CALHM4: variants seen among roughly 807,000 people sequenced by gnomAD.
CALHM4 encodes the protein calcium homeostasis modulator family member 4.
Under a neutral mutation model 13.3 loss-of-function variants are expected in CALHM4, and 16 were observed. The ratio of observed to expected loss-of-function variants is 1.20; its 90% CI spans 0.81 to 1.82. CALHM4 has a LOEUF of 1.82. Ranked by LOEUF, CALHM4 falls within the 40% of genes most tolerant of loss-of-function variation. The pLI, the probability that CALHM4 is intolerant of heterozygous loss-of-function variation, is 0.00. For synonymous variants in CALHM4, 127 were observed against 137.1 expected (o/e 0.93, Z 0.52); for missense variants, 344 against 374.9 (o/e 0.92, Z 0.68).
rs970042582 is a variant in CALHM4, at chr6:116,558,737, C to T, written c.*526C>T. 2.0e-5 allele frequency: 3 copies of T among 152,398 alleles called. No homozygotes were observed. The highest frequency in any genetic ancestry group is 4.8e-5 in the African/African-American group (2 of 41,444). The allele number at this position is 152,398 out of a possible 1,614,324, so 9.4% of individuals were successfully genotyped here. A position where few individuals can be genotyped will look rare whatever the true frequency, so the allele number is the denominator to read the frequency against. On this transcript the variant is annotated 3_prime_UTR_variant, in exon 2 of 2. Coordinates refer to ENST00000368596, the MANE Select transcript of CALHM4 (RefSeq NM_001366078.2). ...TAATGTCCAGAACTTTTCACAGCCT[C>T]CCCCTCTTTCTTCAGACCTAAATAT...
intron 2 of CALHM4, chr6:116,545,435 T>A: frequency 6.6e-7 from 1 of 1,512,380 alleles, no homozygotes; most frequent in South Asian, 1.3e-5. Flanking sequence ...AAACATTTTC[T>A]CTGAAGTAGA....
chr6:116,558,053 C>A lies in CALHM4; in HGVS notation c.787C>A (p.His263Asn). ...GFIPGSEDVK[H>N]IRIPSCQDWK... ...CATTCCCGGGAGTGAAGACGTCAAA[C>A]ACATCCGCATTCCTTCTTGTCAGGA... The change falls in exon 2 of 2, where the codon CAC becomes AAC. Residue 263 changes from histidine (H) to asparagine (N), a missense_variant. His to Asn is a moderately conservative substitution (Grantham distance 68). Coordinates refer to ENST00000368596, the MANE Select transcript of CALHM4 (RefSeq NM_001366078.2). 6.2e-7 allele frequency: 1 copy of A among 1,614,178 alleles called. No homozygotes were observed. Among genetic ancestry groups the A allele is most frequent in the Non-Finnish European group, 8.5e-7 (1 of 1,180,022 alleles).
intron 1 of CALHM4, among the ~76,000 whole-genome samples, chr6:116,555,943 C>A (rs1391657136): frequency 6.6e-6 from 1 of 152,164 alleles, no homozygotes; most frequent in African/African-American, 2.4e-5. Flanking sequence ...GCATATAAAG[C>A]CCTTCAGTGA....
intron 1 of CALHM4, chr6:116,540,254 C>G: frequency 1.0e-6 from 1 of 1,004,396 alleles, no homozygotes; most frequent in Non-Finnish European, 1.5e-6. Context: ...TTCTCAGCAC[C>G]TAACAATGAA....
chr6:116,542,055 G>A (rs1481988140), intron 1 of CALHM4, among the ~76,000 whole-genome samples: 1 of 152,088 alleles, frequency 6.6e-6, no homozygotes, highest in Non-Finnish European at 1.5e-5. Flanking sequence ...AAATAAGTGA[G>A]CTTTTTTATT....
intron 1 of CALHM4, among the ~76,000 whole-genome samples, chr6:116,536,237 C>CT (rs919494089): frequency 1.8e-4 from 28 of 151,998 alleles, no homozygotes; most frequent in African/African-American, 6.0e-4. Context: ...AACTTGGCAT[C>CT]TTTTTTTTAT....
intron 1 of CALHM4, among the ~76,000 whole-genome samples, chr6:116,533,481 A>C (rs1772870614): frequency 6.6e-6 from 1 of 152,148 alleles, no homozygotes; most frequent in Admixed American, 6.5e-5. Context: ...AGACAGCTAG[A>C]GTTGCACTGA....
At chr6:116,540,693 T>C (rs1009336608) in intron 1 of CALHM4, among the ~76,000 whole-genome samples, 3 of 151,582 alleles carry the variant, frequency 2.0e-5, no homozygotes, top group African/African-American at 7.3e-5. Flanking sequence ...AGCAGAAGAG[T>C]CTGCCTAGAA....
intron 1 of CALHM4, among the ~76,000 whole-genome samples, chr6:116,537,279 A>G (rs534685810): frequency 6.6e-6 from 1 of 152,198 alleles, no homozygotes; most frequent in South Asian, 2.1e-4. Flanking sequence ...GGTTGATAAG[A>G]CATGAAAATC....
intron 1 of CALHM4, 32 bp downstream of exon 1, chr6:116,554,383 T>A: frequency 6.8e-7 from 1 of 1,472,702 alleles, no homozygotes; most frequent in Non-Finnish European, 9.0e-7. Context: ...CCCTCTGCTA[T>A]GTTATCCTAT....
At chr6:116,552,623 T>G (rs755861087), upstream of CALHM4, among the ~76,000 whole-genome samples, 1 of 152,212 alleles carries the variant, frequency 6.6e-6, no homozygotes, top group East Asian at 1.9e-4. Flanking sequence ...GTTAAAAGTT[T>G]ATTTGAGAAG....
rs572188038 is a variant in CALHM4 at position 116,560,778 on chromosome 6, T to C, written c.*2567T>C. On this transcript the variant is annotated 3_prime_UTR_variant, in exon 2 of 2. Coordinates refer to ENST00000368596, the MANE Select transcript of CALHM4 (RefSeq NM_001366078.2). The stretch of plus-strand genomic sequence containing the variant: ...TGGATTTATGTAATTATAAAACATA[T>C]AATTAAAGTCAATTATGTGCTAATA... Among the ~76,000 whole-genome samples the C allele has an allele frequency of 6.6e-6, 1 of 152,222 alleles. No homozygotes were observed. Among genetic ancestry groups the C allele is most frequent in the Non-Finnish European group, 1.5e-5 (1 of 68,016 alleles).
At chr6:116,540,806 T>C (rs961480543) in intron 1 of CALHM4, among the ~76,000 whole-genome samples, 9 of 152,182 alleles carry the variant, frequency 5.9e-5, no homozygotes, top group Non-Finnish European at 1.2e-4. Flanking sequence ...TCATTAGCTA[T>C]TGATGGAAAT....
rs754424786 is a variant in CALHM4, at chr6:116,553,952, TGC to T, written c.160_161del (p.Ala54PhefsTer26). ...QVGKNFYYGS[A>X]FLVIPALILL... is the part of the protein sequence containing the mutation. ...TTGGAAAAAATTTCTATTATGGTTC[TGC>T]TTTTCTTGTCATTCCTGCCTTGATC... On this transcript the variant is annotated frameshift_variant, in exon 1 of 2. Coordinates refer to ENST00000368596, the MANE Select transcript of CALHM4 (RefSeq NM_001366078.2). LOFTEE classifies it high-confidence loss of function. The T allele has an allele frequency of 4.5e-5, 70 of 1,550,560 alleles. No homozygotes were observed. The highest frequency in any genetic ancestry group is 3.2e-5 in the Non-Finnish European group (37 of 1,147,024).
At chr6:116,556,942 T>TC (rs1366556213) in intron 1 of CALHM4, among the ~76,000 whole-genome samples, 2 of 145,390 alleles carry the variant, frequency 1.4e-5, no homozygotes, top group Non-Finnish European at 3.0e-5. Context: ...TTTTAATCTT[T>TC]TTTTTTTTTT....
At chr6:116,551,868 C>CT (rs1227060092), upstream of CALHM4, among the ~76,000 whole-genome samples, 1 of 152,178 alleles carries the variant, frequency 6.6e-6, no homozygotes, top group Non-Finnish European at 1.5e-5. Context: ...TCCTTGCCAA[C>CT]ATTTGGTATG....
At chr6:116,545,572 G>A (rs1462361573) in intron 2 of CALHM4, 7 of 1,462,938 alleles carry the variant, frequency 4.8e-6, no homozygotes, top group Admixed American at 2.1e-5. Flanking sequence ...CTGTTTCTTA[G>A]AGGTGTATCA....
chr6:116,540,583 A>G lies in CALHM4; in HGVS notation c.-108-3182A>G, dbSNP rs1773388324. The G allele has an allele frequency of 6.3e-6, 6 of 948,872 alleles. No individual in the cohort carries two copies. In the Admixed American group the frequency reaches 1.4e-4, roughly 23 times the overall value. The allele number at this position is 948,872 out of a possible 1,614,324, so 58.8% of individuals were successfully genotyped here. A position where few individuals can be genotyped will look rare whatever the true frequency, so the allele number is the denominator to read the frequency against. On this transcript the variant is annotated intron_variant, in intron 1 of 2. Coordinates refer to the CALHM4 transcript ENST00000368597. ...AAGTGAATCACAAATCAAACCAAAT[A>G]TGACGAGTCAAATGGCTTTTGGCTG...
At chr6:116,548,887 G>A (rs1773924030), upstream of CALHM4, among the ~76,000 whole-genome samples, 1 of 152,186 alleles carries the variant, frequency 6.6e-6, no homozygotes, top group Admixed American at 6.5e-5. Flanking sequence ...ATGGTTGTGT[G>A]CATGTTTGAT....
Sources: gnomAD v4.1 joint callset for allele counts (sites outside exome capture counted in the v4.1 genomes callset) on GRCh38, gnomAD v4.1.1 for gene constraint, MANE v1.5 for transcripts, NCBI Gene and HGNC (gene_info 2026-07-23, HGNC 2026-07-21) for gene names.